Variants in CNTN5 observed in about 807,000 individuals in gnomAD.
The protein encoded by CNTN5 is contactin-5.
In CNTN5, 77 loss-of-function variants were observed where a neutral mutation model predicts 129.1. The observed-to-expected ratio is 0.60, with a 90% CI of 0.50 to 0.72. CNTN5 has a LOEUF of 0.72. Ranked by LOEUF, CNTN5 falls within the 30% of genes least tolerant of loss-of-function variation. The pLI, the probability that CNTN5 is intolerant of heterozygous loss-of-function variation, is 0.00. For missense variants in CNTN5, 1,478 were observed against 1,328.8 expected, an observed-to-expected ratio of 1.11 and a Z score of -1.75; for synonymous variants, 509 against 465.6, an observed-to-expected ratio of 1.09 and a Z score of -1.20.
chr11:100,189,259 G>T (rs562372302), intron 13 of CNTN5, among the ~76,000 whole-genome samples: 1 of 134,814 alleles, frequency 7.4e-6, no homozygotes, highest in African/African-American at 2.9e-5. Context: ...AAATAAATAA[G>T]TTGAATTAAA....
At chr11:99,755,101 C>T (rs1944364472) in intron 3 of CNTN5, among the ~76,000 whole-genome samples, 1 of 152,062 alleles carries the variant, frequency 6.6e-6, no homozygotes, top group Non-Finnish European at 1.5e-5. Context: ...ATGAAAAATA[C>T]TCCATTATCT....
chr11:99,644,876 A>G (rs17669317), intron 3 of CNTN5, among the ~76,000 whole-genome samples: 8,874 of 152,228 alleles, frequency 0.058, 297 homozygotes, highest in East Asian at 0.1. Context: ...ATACAGCTTT[A>G]GATTCTTATA....
intron 1 of CNTN5, among the ~76,000 whole-genome samples, chr11:99,146,961 A>G (rs1177834710): frequency 1.3e-5 from 2 of 152,160 alleles, no homozygotes; most frequent in Non-Finnish European, 2.9e-5. Context: ...GGCTCAAGCA[A>G]TCCATGTACT....
At position 99,247,137 on chromosome 11, in the gene CNTN5, C is replaced by T. The variant is rs557395488; in HGVS notation, c.-209-78209C>T. Among the ~76,000 whole-genome samples the T allele has an allele frequency of 8.5e-5, 13 of 152,178 alleles. No homozygotes were observed. In the South Asian group the frequency reaches 1.0e-3, roughly 12 times the overall value. ...AATACAGAACATTTGTTCAAAACTTCTTGGGATAATTTTCTGGAGTTATTA... is the reference window on the plus strand; with the variant it reads ...AATACAGAACATTTGTTCAAAACTTTTTGGGATAATTTTCTGGAGTTATTA... On this transcript the variant is annotated intron_variant, in intron 1 of 24. Coordinates refer to ENST00000524871, the MANE Select transcript of CNTN5 (RefSeq NM_014361.4).
intron 3 of CNTN5, among the ~76,000 whole-genome samples, chr11:99,595,153 G>A (rs1482786560): frequency 2.0e-5 from 3 of 152,068 alleles, no homozygotes; most frequent in African/African-American, 7.2e-5. Flanking sequence ...TTACACACTA[G>A]GGTGACTATA....
chr11:99,885,215 G>A (rs780769599), intron 6 of CNTN5, among the ~76,000 whole-genome samples: 1 of 152,062 alleles, frequency 6.6e-6, no homozygotes, highest in Non-Finnish European at 1.5e-5. Flanking sequence ...CAGGGAGGTC[G>A]AGTTTCCAGC....
At chr11:100,171,853 A>C (rs1265966744) in intron 13 of CNTN5, among the ~76,000 whole-genome samples, 1 of 152,156 alleles carries the variant, frequency 6.6e-6, no homozygotes, top group African/African-American at 2.4e-5. Context: ...AAAGAAAAAA[A>C]AACCTCTAAT....
intron 3 of CNTN5, among the ~76,000 whole-genome samples, chr11:99,819,062 A>C (rs1946686063): frequency 6.6e-6 from 1 of 151,972 alleles, no homozygotes; most frequent in Non-Finnish European, 1.5e-5. Context: ...TTTGTAGAAT[A>C]TAAGTGAAAT....
At chr11:99,727,418 T>C (rs1943387876) in intron 3 of CNTN5, among the ~76,000 whole-genome samples, 1 of 150,946 alleles carries the variant, frequency 6.6e-6, no homozygotes. Context: ...TCTCCTAAAA[T>C]CTCTTTTGTT....
intron 3 of CNTN5, among the ~76,000 whole-genome samples, chr11:99,706,537 T>A (rs1226007751): frequency 6.6e-6 from 1 of 151,432 alleles, no homozygotes; most frequent in African/African-American, 2.4e-5. Context: ...ACTCTCACTA[T>A]CTCTTTTACA....
At chr11:99,594,247 G>A (rs1950060994) in intron 3 of CNTN5, among the ~76,000 whole-genome samples, 1 of 152,206 alleles carries the variant, frequency 6.6e-6, no homozygotes, top group African/African-American at 2.4e-5. Flanking sequence ...GGAAAGTAGT[G>A]TTTATTTGCT....
At chr11:99,631,416 A>G (rs886262947) in intron 3 of CNTN5, among the ~76,000 whole-genome samples, 1 of 152,088 alleles carries the variant, frequency 6.6e-6, no homozygotes, top group African/African-American at 2.4e-5. Flanking sequence ...TGCTTGAATT[A>G]GTAAAGAACG....
At chr11:100,023,709 G>C (rs566928453) in intron 9 of CNTN5, among the ~76,000 whole-genome samples, 7 of 152,124 alleles carry the variant, frequency 4.6e-5, no homozygotes, top group Admixed American at 2.0e-4. Flanking sequence ...TTTTTACACT[G>C]TCTCCAGTTT....
Position 100,144,590 on chromosome 11 carries a change from A to G in CNTN5, c.1581-46536A>G, listed in dbSNP as rs543584925. Among the ~76,000 whole-genome samples, 66 of 152,272 alleles carry G rather than the reference A, an allele frequency of 4.3e-4. 2 individuals are homozygous for G. In the South Asian group the frequency reaches 7.3e-3, roughly 17 times the overall value. On this transcript the variant is annotated intron_variant, in intron 13 of 24. Transcript: ENST00000524871. ...TGACTCTGAAAGGAGATACAGCATA[A>G]ACTTCTAATGCTTATTTAATCTCAG...
At chr11:99,964,367 A>AG (rs1198842678) in intron 8 of CNTN5, among the ~76,000 whole-genome samples, 4 of 152,220 alleles carry the variant, frequency 2.6e-5, no homozygotes, top group South Asian at 2.1e-4. Flanking sequence ...TTTAGCATGA[A>AG]GATTGTTGAA....
intron 16 of CNTN5, among the ~76,000 whole-genome samples, chr11:100,229,230 G>C (rs551912033): frequency 7.2e-5 from 11 of 152,054 alleles, no homozygotes; most frequent in Non-Finnish European, 1.2e-4. Context: ...TTTACCCCAT[G>C]AGTCATATGT....
At chr11:99,230,119 G>C (rs75478852) in intron 1 of CNTN5, among the ~76,000 whole-genome samples, 1 of 151,740 alleles carries the variant, frequency 6.6e-6, no homozygotes, top group Non-Finnish European at 1.5e-5. Flanking sequence ...GTTAAAATTC[G>C]ATACTTAAAA....
intron 6 of CNTN5, among the ~76,000 whole-genome samples, chr11:99,891,291 A>G (rs1304839035): frequency 6.6e-6 from 1 of 152,038 alleles, no homozygotes; most frequent in African/African-American, 2.4e-5. Flanking sequence ...TTCTAAAATG[A>G]AAAGTTTATT....
At chr11:99,233,085 C>G (rs1861085242) in intron 1 of CNTN5, among the ~76,000 whole-genome samples, 1 of 152,138 alleles carries the variant, frequency 6.6e-6, no homozygotes, top group Admixed American at 6.6e-5. Flanking sequence ...GTTTTGCTTA[C>G]CTGTAGCGGG....
Sources: gnomAD v4.1 joint callset for allele counts (sites outside exome capture counted in the v4.1 genomes callset) on GRCh38, gnomAD v4.1.1 for gene constraint, MANE v1.5 for transcripts, NCBI Gene and HGNC (gene_info 2026-07-23, HGNC 2026-07-21) for gene names.